CDH4: variants seen among roughly 807,000 people sequenced by gnomAD.
The protein encoded by CDH4 is cadherin-4.
A neutral mutation model predicts 86.0 loss-of-function variants in CDH4; 33 were observed. That is an observed-to-expected ratio of 0.38 (90% CI 0.29 to 0.51). The LOEUF (loss-of-function observed/expected upper bound fraction) is 0.51, where lower values mean the gene tolerates loss of function less well. Ranked by LOEUF, CDH4 falls within the 20% of genes least tolerant of loss-of-function variation. CDH4 has a pLI of 0.86. For missense variants in CDH4, 1,114 were observed against 1,307.4 expected, an observed-to-expected ratio of 0.85 and a Z score of 2.28; for synonymous variants, 555 against 549.4, an observed-to-expected ratio of 1.01 and a Z score of -0.14.
At chr20:61,294,437 C>T (rs1346445188) in intron 2 of CDH4, among the ~76,000 whole-genome samples, 2 of 152,162 alleles carry the variant, frequency 1.3e-5, no homozygotes, top group South Asian at 2.1e-4. Context: ...GGCCCCGACT[C>T]GGCCCATCCT....
intron 8 of CDH4, among the ~76,000 whole-genome samples, chr20:61,895,856 A>C (rs1985079862): frequency 6.6e-6 from 1 of 152,072 alleles, no homozygotes; most frequent in Non-Finnish European, 1.5e-5. Flanking sequence ...CCAGGCTGTC[A>C]TTTTGGGCCC....
chr20:61,506,663 G>A (rs1019681325), intron 2 of CDH4, among the ~76,000 whole-genome samples: 3 of 152,114 alleles, frequency 2.0e-5, no homozygotes, highest in African/African-American at 2.4e-5. Context: ...GAGATGAGTC[G>A]GCCTGCAGGA....
At chr20:61,539,016 C>A (rs1293528073) in intron 2 of CDH4, among the ~76,000 whole-genome samples, 1 of 152,134 alleles carries the variant, frequency 6.6e-6, no homozygotes, top group African/African-American at 2.4e-5. Flanking sequence ...CCGCTGGAGG[C>A]AGGGGAGGAG....
chr20:61,924,578 C>A, intron 11 of CDH4, 102 bp downstream of exon 11: 2 of 1,327,334 alleles, frequency 1.5e-6, no homozygotes, highest in Non-Finnish European at 2.1e-6. Context: ...GAGAGGCCAG[C>A]AGGCATCCAG....
At chr20:61,586,481 G>A (rs969469693) in intron 2 of CDH4, among the ~76,000 whole-genome samples, 1 of 152,174 alleles carries the variant, frequency 6.6e-6, no homozygotes, top group Non-Finnish European at 1.5e-5. Context: ...CTCCAGCCAG[G>A]GAGTGCCTGA....
At chr20:61,696,993 C>T (rs1215480355) in intron 2 of CDH4, among the ~76,000 whole-genome samples, 1 of 152,152 alleles carries the variant, frequency 6.6e-6, no homozygotes, top group Non-Finnish European at 1.5e-5. Flanking sequence ...TAAGGAATGT[C>T]CGGAGCTCCC....
At chr20:61,325,931 A>G (rs2084534703) in intron 2 of CDH4, among the ~76,000 whole-genome samples, 2 of 152,174 alleles carry the variant, frequency 1.3e-5, no homozygotes, top group Non-Finnish European at 2.9e-5. Flanking sequence ...TGGCCTGGTC[A>G]GTGCCGTGCC....
chr20:61,796,438 C>T (rs1403885307), intron 4 of CDH4, among the ~76,000 whole-genome samples: 3 of 152,160 alleles, frequency 2.0e-5, no homozygotes, highest in African/African-American at 7.2e-5. Flanking sequence ...TACCCCCAGC[C>T]CCGCGTCCTA....
chr20:61,733,066 CGCATGG>C (rs1568784260), intron 2 of CDH4, among the ~76,000 whole-genome samples: 6 of 68,564 alleles, frequency 8.8e-5, no homozygotes, highest in East Asian at 5.3e-4. Flanking sequence ...TGTGAGATGA[CGCATGG>C]ACAGATGGAC....
At chr20:61,474,005 C>T (rs1299122531) in intron 2 of CDH4, among the ~76,000 whole-genome samples, 1 of 152,128 alleles carries the variant, frequency 6.6e-6, no homozygotes, top group African/African-American at 2.4e-5. Context: ...GTAAGGAAAA[C>T]ACCGTGGGAT....
chr20:61,917,731 G>A (rs1220202455), intron 9 of CDH4, among the ~76,000 whole-genome samples: 5 of 152,270 alleles, frequency 3.3e-5, no homozygotes, highest in East Asian at 3.8e-4. Context: ...TCATGGCCAC[G>A]TGTGGGCGGC....
intron 2 of CDH4, among the ~76,000 whole-genome samples, chr20:61,388,989 A>T (rs1008302720): frequency 5.3e-5 from 8 of 152,250 alleles, no homozygotes; most frequent in Non-Finnish European, 1.2e-4. Flanking sequence ...TCCTTAGGAG[A>T]TATTTTAAGT....
chr20:61,460,626 C>T (rs2085436921), intron 2 of CDH4, among the ~76,000 whole-genome samples: 1 of 152,186 alleles, frequency 6.6e-6, no homozygotes, highest in African/African-American at 2.4e-5. Flanking sequence ...ACGGAGGCGT[C>T]CCTAAGTGGT....
At chr20:61,654,951 G>A (rs566332419) in intron 2 of CDH4, among the ~76,000 whole-genome samples, 38 of 118,794 alleles carry the variant, frequency 3.2e-4, no homozygotes, top group Non-Finnish European at 5.2e-4. Context: ...ACAGGGACAC[G>A]GGGGCCTGAG....
chr20:61,673,495 GC>G (rs1339397290), intron 2 of CDH4, among the ~76,000 whole-genome samples: 2 of 152,390 alleles, frequency 1.3e-5, no homozygotes, highest in African/African-American at 4.8e-5. Context: ...CAGTTGAGGA[GC>G]CTGGCGGTTT....
chr20:61,372,105 G>C (rs1330334437), intron 2 of CDH4, among the ~76,000 whole-genome samples: 2 of 152,212 alleles, frequency 1.3e-5, no homozygotes, highest in Non-Finnish European at 2.9e-5. Flanking sequence ...TCCTGGGATA[G>C]AGAGAAGCCG....
At chr20:61,924,645 C>T (rs780119089) in intron 11 of CDH4, among the ~76,000 whole-genome samples, 169 bp downstream of exon 11, 2 of 152,054 alleles carry the variant, frequency 1.3e-5, no homozygotes, top group Admixed American at 6.5e-5. Flanking sequence ...ATCAGGGCTG[C>T]GTCATCTCAG....
At chr20:61,399,817 G>T (rs539233615) in intron 2 of CDH4, among the ~76,000 whole-genome samples, 1 of 152,310 alleles carries the variant, frequency 6.6e-6, no homozygotes, top group East Asian at 1.9e-4. Flanking sequence ...CTCAGAGCCT[G>T]CCCTGCAGGG....
chr20:61,613,493 T>C (rs1032961792), intron 2 of CDH4, among the ~76,000 whole-genome samples: 36 of 151,852 alleles, frequency 2.4e-4, no homozygotes, highest in Admixed American at 2.2e-3. Flanking sequence ...ATGCTTTTCT[T>C]CTATCACCTC....
Sources: gnomAD v4.1 joint callset for allele counts (sites outside exome capture counted in the v4.1 genomes callset) on GRCh38, gnomAD v4.1.1 for gene constraint, MANE v1.5 for transcripts, NCBI Gene and HGNC (gene_info 2026-07-23, HGNC 2026-07-21) for gene names.